THSD4: variants seen among roughly 807,000 people sequenced by gnomAD.
THSD4 encodes the protein thrombospondin type-1 domain-containing protein 4.
Under a neutral mutation model 119.0 loss-of-function variants are expected in THSD4, and 69 were observed. The ratio of observed to expected loss-of-function variants is 0.58; its 90% CI spans 0.48 to 0.71. THSD4 has a LOEUF of 0.71. THSD4 is among the 30% of genes least tolerant of loss of function. The pLI, the probability that THSD4 is intolerant of heterozygous loss-of-function variation, is 0.00. For synonymous variants in THSD4, 524 were observed against 540.4 expected (o/e 0.97, Z 0.42); for missense variants, 1,393 against 1,391.1 (o/e 1.00, Z -0.02).
chr15:71,508,507 G>A (rs2048227969), intron 7 of THSD4, among the ~76,000 whole-genome samples: 2 of 152,280 alleles, frequency 1.3e-5, no homozygotes, highest in Admixed American at 1.3e-4. Flanking sequence ...TCACCGCACT[G>A]AAAATCAGAG....
intron 7 of THSD4, among the ~76,000 whole-genome samples, chr15:71,476,987 A>G (rs2047663779): frequency 6.6e-6 from 1 of 152,338 alleles, no homozygotes; most frequent in South Asian, 2.1e-4. Context: ...GGCAGGGAGA[A>G]CTTCTCATTT....
chr15:71,459,380 G>C (rs139851140), intron 7 of THSD4, among the ~76,000 whole-genome samples: 55 of 137,736 alleles, frequency 4.0e-4, no homozygotes, highest in African/African-American at 9.1e-4. Context: ...CTGTCTCTCT[G>C]TCTCTCTCTC....
At position 71,446,160 on chromosome 15, in the gene THSD4, A is replaced by G. The variant is rs532466640; in HGVS notation, c.1152+34337A>G. Reference sequence around the variant, plus strand: ...GCTTTCCATCCCCTGACTCTATCCCATAGTGAAACTGTCCCAAGGAAACTA... The same window carrying G: ...GCTTTCCATCCCCTGACTCTATCCCGTAGTGAAACTGTCCCAAGGAAACTA... On this transcript the variant is annotated intron_variant, in intron 7 of 17. Coordinates refer to ENST00000261862, the MANE Select transcript of THSD4 (RefSeq NM_024817.3). Among the ~76,000 whole-genome samples, 57 of 152,346 alleles carry G rather than the reference A, an allele frequency of 3.7e-4. 1 individual carries two copies. The highest frequency in any genetic ancestry group is 2.9e-3 in the South Asian group (14 of 4,822).
chr15:71,568,845 G>T (rs1595892215), intron 7 of THSD4, among the ~76,000 whole-genome samples: 1 of 152,004 alleles, frequency 6.6e-6, no homozygotes, highest in African/African-American at 2.4e-5. Flanking sequence ...GCAGTGTTTG[G>T]TTTTTTGTCC....
chr15:71,505,938 G>A (rs1252689543), intron 7 of THSD4, among the ~76,000 whole-genome samples: 1 of 152,180 alleles, frequency 6.6e-6, no homozygotes, highest in Admixed American at 6.5e-5. Flanking sequence ...AAAACTACAA[G>A]AAAACCTTTA....
intron 6 of THSD4, among the ~76,000 whole-genome samples, chr15:71,323,689 C>T (rs1248934706): frequency 6.6e-6 from 1 of 152,182 alleles, no homozygotes; most frequent in Middle Eastern, 3.4e-3. Flanking sequence ...CAAGGGCTGC[C>T]TATATATTCC....
rs201337275 is a variant in THSD4, at chr15:71,556,136, A to G, written c.1153-104394A>G. Among the ~76,000 whole-genome samples, 9 of 152,316 alleles carry G rather than the reference A, an allele frequency of 5.9e-5. No homozygotes were observed. In the East Asian group the frequency reaches 1.7e-3, roughly 29 times the overall value. On this transcript the variant is annotated intron_variant, in intron 7 of 17. Transcript: ENST00000261862. ...TATTCTTAGACATTTGCTCTTCCTT[A>G]TGAAATTTGAAATTATCACATCAAT...
chr15:71,237,900 G>A (rs1317739059), intron 4 of THSD4, among the ~76,000 whole-genome samples: 1 of 152,204 alleles, frequency 6.6e-6, no homozygotes, highest in Non-Finnish European at 1.5e-5. Context: ...CCAGCCTGTT[G>A]TAAGGAAAAC....
chr15:71,208,585 C>T (rs1242281902), intron 3 of THSD4, among the ~76,000 whole-genome samples: 2 of 151,350 alleles, frequency 1.3e-5, no homozygotes, highest in African/African-American at 4.9e-5. Flanking sequence ...AATCTTGGCT[C>T]ACAGCAGTCT....
rs192321553 is a variant in THSD4, at chr15:71,200,267, C to T, written c.100-14768C>T. 2.3e-4 allele frequency among the ~76,000 whole-genome samples: 35 copies of T among 152,232 alleles called. No individual in the cohort carries two copies. In the East Asian group the frequency reaches 6.2e-3, roughly 27 times the overall value. On this transcript the variant is annotated intron_variant, in intron 3 of 17. Coordinates refer to ENST00000261862, the MANE Select transcript of THSD4 (RefSeq NM_024817.3). ...CTGGTCTGCAGCTTCTCTGACTTTGCACCTTATGTTGACTAGGGGGAGGGT... is the reference window on the plus strand; with the variant it reads ...CTGGTCTGCAGCTTCTCTGACTTTGTACCTTATGTTGACTAGGGGGAGGGT...
intron 1 of THSD4, among the ~76,000 whole-genome samples, chr15:71,107,198 T>C (rs1000330250): frequency 2.0e-5 from 3 of 152,178 alleles, no homozygotes; most frequent in Non-Finnish European, 2.9e-5. Context: ...CAGAAGAAAG[T>C]TCTTATTAGC....
intron 7 of THSD4, among the ~76,000 whole-genome samples, chr15:71,461,197 C>T (rs1242134589): frequency 1.3e-5 from 2 of 152,202 alleles, no homozygotes; most frequent in Non-Finnish European, 2.9e-5. Context: ...AGATGTCTCA[C>T]TCATGTGCCT....
intron 6 of THSD4, among the ~76,000 whole-genome samples, chr15:71,369,507 G>A (rs897621668): frequency 6.6e-6 from 1 of 152,114 alleles, no homozygotes; most frequent in African/African-American, 2.4e-5. Flanking sequence ...GTTGAATTTT[G>A]TCAAAGGCCT....
intron 6 of THSD4, among the ~76,000 whole-genome samples, chr15:71,359,972 C>A (rs985909244): frequency 1.3e-5 from 2 of 152,204 alleles, no homozygotes; most frequent in African/African-American, 4.8e-5. Context: ...TAACAGACCA[C>A]CCCAAAATTG....
rs568443698 is a variant in THSD4, at chr15:71,507,459, T to G, written c.1152+95636T>G. 3.3e-5 allele frequency among the ~76,000 whole-genome samples: 5 copies of G among 152,198 alleles called. No homozygotes were observed. In the East Asian group the frequency reaches 5.8e-4, roughly 18 times the overall value. The stretch of plus-strand genomic sequence containing the variant: ...ACACAAGATTTTTCAGGAAGTATAC[T>G]GAAAGGCCTGTACTTAGTTGTGTGT... On this transcript the variant is annotated intron_variant, in intron 7 of 17. Coordinates refer to ENST00000261862, the MANE Select transcript of THSD4 (RefSeq NM_024817.3).
chr15:71,147,053 G>A (rs1034645977), intron 2 of THSD4, among the ~76,000 whole-genome samples: 1 of 152,064 alleles, frequency 6.6e-6, no homozygotes, highest in Non-Finnish European at 1.5e-5. Context: ...TTCCTGCCAG[G>A]GATTAGAACC....
intron 7 of THSD4, among the ~76,000 whole-genome samples, chr15:71,576,941 C>G (rs2140908049): frequency 6.6e-6 from 1 of 152,072 alleles, no homozygotes. Flanking sequence ...GTCTTTTATT[C>G]AGAGCTCCCA....
At position 71,378,261 on chromosome 15, in the gene THSD4, C is replaced by T. The variant is rs192891749; in HGVS notation, c.1016-33426C>T. On this transcript the variant is annotated intron_variant, in intron 6 of 17. Coordinates refer to ENST00000261862, the MANE Select transcript of THSD4 (RefSeq NM_024817.3). ...ATCAATACATCATACAGTTTTCTAT[C>T]GGGTCAAAATAAAGATGCTGAGAAA... 5.9e-5 allele frequency among the ~76,000 whole-genome samples: 9 copies of T among 152,118 alleles called. No individual in the cohort carries two copies. The East Asian group carries it at 1.5e-3, about 26-fold the overall frequency.
intron 6 of THSD4, among the ~76,000 whole-genome samples, chr15:71,320,606 G>A (rs1244511000): frequency 6.6e-6 from 1 of 152,162 alleles, no homozygotes; most frequent in Non-Finnish European, 1.5e-5. Context: ...GATCCAAGTA[G>A]CCCAAGAAAG....
Sources: allele counts gnomAD v4.1 joint callset (sites outside exome capture counted in the v4.1 genomes callset), GRCh38; gene constraint gnomAD v4.1.1; transcripts MANE v1.5; gene names NCBI Gene and HGNC (gene_info 2026-07-23, HGNC 2026-07-21).